The following MCC variants were observed in gnomAD, a reference collection of about 807,000 sequenced individuals.
MCC encodes the protein MCC regulator of Wnt signaling pathway, also known as colorectal mutant cancer protein.
Under a neutral mutation model 116.2 loss-of-function variants are expected in MCC, and 90 were observed. That is an observed-to-expected ratio of 0.77 (90% CI 0.65 to 0.92). MCC has a LOEUF of 0.92. MCC is among the 40% of genes least tolerant of loss of function. The pLI is 0.00. For synonymous variants in MCC, 578 were observed against 510.5 expected (o/e 1.13, Z -1.78); for missense variants, 1,516 against 1,312.2 (o/e 1.16, Z -2.40).
At chr5:113,400,290 T>G (rs934244631) in intron 1 of MCC, among the ~76,000 whole-genome samples, 1 of 151,858 alleles carries the variant, frequency 6.6e-6, no homozygotes, top group Non-Finnish European at 1.5e-5. Context: ...GCCCAGCTAA[T>G]TTTTGTACTT....
chr5:113,117,597 A>C (rs779718934), intron 6 of MCC, among the ~76,000 whole-genome samples: 4 of 152,194 alleles, frequency 2.6e-5, no homozygotes, highest in Non-Finnish European at 5.9e-5. Context: ...AAAATAACAG[A>C]ATGCTTCACT....
chr5:113,458,134 G>A (rs1473172573), intron 1 of MCC, among the ~76,000 whole-genome samples: 1 of 152,126 alleles, frequency 6.6e-6, no homozygotes, highest in Non-Finnish European at 1.5e-5. Context: ...AGCTAGCAGT[G>A]GCAACCCACT....
chr5:113,333,293 G>A (rs978546982), intron 3 of MCC, among the ~76,000 whole-genome samples: 13 of 151,552 alleles, frequency 8.6e-5, no homozygotes, highest in Non-Finnish European at 1.6e-4. Context: ...AGTTAATAAC[G>A]ACTATATTAA....
At chr5:113,424,277 C>CA (rs918804867) in intron 1 of MCC, among the ~76,000 whole-genome samples, 2 of 148,534 alleles carry the variant, frequency 1.3e-5, no homozygotes, top group Non-Finnish European at 3.0e-5. Flanking sequence ...ATAAAAGAGA[C>CA]AAAAAAAATT....
chr5:113,471,776 A>C (rs1213598332), intron 1 of MCC, among the ~76,000 whole-genome samples: 1 of 61,630 alleles, frequency 1.6e-5, no homozygotes, highest in Admixed American at 2.3e-4. Flanking sequence ...AGAGGCAGGC[A>C]GGCCTCCTTG....
intron 8 of MCC, among the ~76,000 whole-genome samples, chr5:113,097,131 G>A (rs989939303): frequency 6.6e-6 from 1 of 152,170 alleles, no homozygotes; most frequent in African/African-American, 2.4e-5. Flanking sequence ...CAAAAAAGAA[G>A]ACTCAGCTTA....
At chr5:113,032,362 C>T (rs867181712) in intron 17 of MCC, among the ~76,000 whole-genome samples, 19 of 146,942 alleles carry the variant, frequency 1.3e-4, no homozygotes, top group Middle Eastern at 3.5e-3. Context: ...AAGCCGAGAT[C>T]GCGCCACTGC....
intron 3 of MCC, among the ~76,000 whole-genome samples, chr5:113,328,708 G>T (rs1023410007): frequency 6.6e-6 from 1 of 152,096 alleles, no homozygotes. Context: ...TTCACCAGGG[G>T]TTTTAATTAC....
intron 3 of MCC, among the ~76,000 whole-genome samples, chr5:113,312,358 C>T (rs191596696): frequency 6.6e-6 from 1 of 152,086 alleles, no homozygotes; most frequent in East Asian, 1.9e-4. Context: ...ACAGAGTTCA[C>T]ATAGACTGGT....
At chr5:113,347,287 G>T (rs986446844) in intron 2 of MCC, among the ~76,000 whole-genome samples, 12 of 152,060 alleles carry the variant, frequency 7.9e-5, no homozygotes, top group Non-Finnish European at 1.6e-4. Flanking sequence ...AACTTTTTAA[G>T]ACATAAACAG....
In MCC at chr5:113,327,579, TATATATAA is replaced by T. The variant is rs200083070; in HGVS notation, c.627+12932_627+12939del. Among the ~76,000 whole-genome samples, 930 of 133,562 alleles carry T rather than the reference TATATATAA, an allele frequency of 7.0e-3. 31 individuals carry two copies. The highest frequency in any genetic ancestry group is 0.01 in the Non-Finnish European group (665 of 63,480). The allele number at this position is 133,562 out of a possible 152,430, so 87.6% of individuals were successfully genotyped here. On this transcript the variant is annotated intron_variant, in intron 3 of 18. Coordinates refer to ENST00000408903, the MANE Select transcript of MCC (RefSeq NM_001085377.2). ...AAAAAAAAATATATATATATATATA[TATATATAA>T]AAATCTCATCCTCTATGTACTCTTT...
At chr5:113,288,790 A>G (rs1474052650) in intron 3 of MCC, among the ~76,000 whole-genome samples, 1 of 152,204 alleles carries the variant, frequency 6.6e-6, no homozygotes, top group African/African-American at 2.4e-5. Context: ...CTACCTGGGC[A>G]CAAATCTTGA....
chr5:113,084,385 G>C (rs1755059434), intron 9 of MCC, among the ~76,000 whole-genome samples, 195 bp from the exon 10 acceptor site: 1 of 152,146 alleles, frequency 6.6e-6, no homozygotes, highest in South Asian at 2.1e-4. Context: ...TGATATTTTG[G>C]CTTGGATAAT....
At chr5:113,030,498 G>C (rs573581478) in intron 17 of MCC, among the ~76,000 whole-genome samples, 1 of 152,120 alleles carries the variant, frequency 6.6e-6, no homozygotes, top group African/African-American at 2.4e-5. Flanking sequence ...GGGCAACATG[G>C]TGAAACCCCA....
intron 3 of MCC, among the ~76,000 whole-genome samples, chr5:113,235,134 C>T (rs1425899300): frequency 5.9e-5 from 9 of 152,090 alleles, no homozygotes; most frequent in African/African-American, 1.7e-4. Context: ...GTGAAAGGTG[C>T]CATATAAAAC....
At chr5:113,209,204 A>C (rs1763024413) in intron 3 of MCC, among the ~76,000 whole-genome samples, 3 of 152,216 alleles carry the variant, frequency 2.0e-5, no homozygotes, top group Admixed American at 2.0e-4. Context: ...CATTAATTCA[A>C]GCATAAAAAA....
chr5:113,228,816 T>C (rs1763839899), intron 3 of MCC, among the ~76,000 whole-genome samples: 1 of 152,078 alleles, frequency 6.6e-6, no homozygotes, highest in Non-Finnish European at 1.5e-5. Flanking sequence ...CAAAAACAGG[T>C]GACACACACG....
At chr5:113,306,443 G>A (rs752987549) in intron 3 of MCC, among the ~76,000 whole-genome samples, 1 of 152,094 alleles carries the variant, frequency 6.6e-6, no homozygotes, top group Non-Finnish European at 1.5e-5. Flanking sequence ...TTCTTGCTAT[G>A]TGGCTTTGAT....
At chr5:113,043,473 G>C (rs1292402336) in intron 17 of MCC, 57 bp downstream of exon 17, 1 of 1,464,058 alleles carries the variant, frequency 6.8e-7, no homozygotes, top group African/African-American at 1.4e-5. Context: ...AGAGAACTCA[G>C]AACAAAGTCT....
Sources: allele counts gnomAD v4.1 joint callset (sites outside exome capture counted in the v4.1 genomes callset), GRCh38; gene constraint gnomAD v4.1.1; transcripts MANE v1.5; gene names NCBI Gene and HGNC (gene_info 2026-07-23, HGNC 2026-07-21).